The following DEAF1 variants were observed in gnomAD, a reference collection of about 807,000 sequenced individuals.
DEAF1 encodes the protein deformed epidermal autoregulatory factor 1 homolog.
In DEAF1, 53 loss-of-function variants were observed where a neutral mutation model predicts 58.9. The ratio of observed to expected loss-of-function variants is 0.90; its 90% CI spans 0.72 to 1.13. The LOEUF (loss-of-function observed/expected upper bound fraction) is 1.13. Ranked by LOEUF, DEAF1 falls within the 50% of genes most tolerant of loss-of-function variation. The pLI, the probability that DEAF1 is intolerant of heterozygous loss-of-function variation, is 0.00. For missense variants in DEAF1, 685 were observed against 791.4 expected (o/e 0.87, Z 1.61); for synonymous variants, 385 against 340.4 (o/e 1.13, Z -1.44).
intron 1 of DEAF1, chr11:706,101 G>C (rs1363926467): frequency 1.3e-5 from 2 of 152,168 alleles, no homozygotes; most frequent in Non-Finnish European, 2.9e-5. Context: ...TCCCCCGCGC[G>C]CCCGCCCGCT....
At chr11:680,832 G>A (rs1167314116) in intron 7 of DEAF1, 131 bp downstream of exon 7, 14 of 1,350,682 alleles carry the variant, frequency 1.0e-5, no homozygotes, top group Admixed American at 1.8e-5. Flanking sequence ...GTGTGATGGC[G>A]TTGGAATCCC....
chr11:654,166 T>A, intron 10 of DEAF1, 115 bp from the exon 11 acceptor site: 3 of 136,914 alleles, frequency 2.2e-5, no homozygotes, highest in East Asian at 1.8e-4. Flanking sequence ...TTGGACCCCC[T>A]TTTTTTTTTT....
upstream of DEAF1, chr11:699,086 C>G (rs1861329754): frequency 1.5e-6 from 1 of 659,690 alleles, no homozygotes; most frequent in African/African-American, 1.8e-5. Context: ...CCCCTACCTG[C>G]TCAGCCCTGC....
chr11:696,416 G>A (rs966900052), upstream of DEAF1, among the ~76,000 whole-genome samples: 3 of 152,214 alleles, frequency 2.0e-5, no homozygotes, highest in Non-Finnish European at 4.4e-5. Context: ...AAGGAATAAA[G>A]AATGGCTACT....
intron 10 of DEAF1, among the ~76,000 whole-genome samples, chr11:670,135 G>C (rs567083258): frequency 6.6e-6 from 1 of 151,894 alleles, no homozygotes; most frequent in South Asian, 2.1e-4. Context: ...ACCGATGGAA[G>C]GGGACATGAG....
chr11:671,120 G>T (rs1402563878), intron 10 of DEAF1, among the ~76,000 whole-genome samples: 1 of 151,384 alleles, frequency 6.6e-6, no homozygotes, highest in Non-Finnish European at 1.5e-5. Context: ...AGTAGAGATG[G>T]GGTTTCACCA....
At chr11:680,624 G>A (rs769817152) in intron 7 of DEAF1, among the ~76,000 whole-genome samples, 74 of 152,054 alleles carry the variant, frequency 4.9e-4, no homozygotes, top group Non-Finnish European at 9.4e-4. Context: ...CGCAGCCCTC[G>A]TCCAGCGCAC....
chr11:650,117 G>A (rs1858697701), intron 11 of DEAF1, among the ~76,000 whole-genome samples: 1 of 151,674 alleles, frequency 6.6e-6, no homozygotes, highest in Non-Finnish European at 1.5e-5. Context: ...GTTCACACCT[G>A]TAATCCCACC....
Position 691,581 on chromosome 11 carries a change from C to T in DEAF1, c.307G>A (p.Val103Met). Reference protein sequence around the residue: ...AAFAEVTTVTVANVGAAADNV... With the variant: ...AAFAEVTTVTMANVGAAADNV... ...TCTGCAGCAGCCCCCACGTTGGCCA[C>T]TGTCACTGTGGTCACCTCTGCAACA... The change falls in exon 2 of 12, where the codon GTG (valine) becomes ATG (methionine). Residue 103 changes from valine to methionine, a missense_variant. By Grantham distance (21) the Val-to-Met change is conservative. Around this residue, in one of 3 missense-constraint regions of DEAF1, gnomAD observed 210 missense variants for 177.3 expected, o/e 1.18. Coordinates refer to ENST00000382409, the MANE Select transcript of DEAF1 (RefSeq NM_021008.4). The T allele has an allele frequency of 1.2e-6, 2 of 1,613,718 alleles. No homozygotes were observed. The highest frequency in any genetic ancestry group is 1.7e-6 in the Non-Finnish European group (2 of 1,179,982).
rs7483337 is a variant in DEAF1, at chr11:680,866, A to G, written c.997+97T>C. ...CCTCTGGCCACGCAATGTGCTTTAG[A>G]AGTGAGAATCCCGCAGTGGCCGTGG... On this transcript the variant is annotated intron_variant, in intron 7 of 11. Coordinates refer to ENST00000382409, the MANE Select transcript of DEAF1 (RefSeq NM_021008.4). 0.3 allele frequency: 471,436 copies of G among 1,548,680 alleles called. 75,305 individuals are homozygous for G. The highest frequency in any genetic ancestry group is 0.33 in the Admixed American group (19,387 of 59,022).
chr11:701,634 C>G (rs1321152942), intron 1 of DEAF1, among the ~76,000 whole-genome samples: 2 of 151,980 alleles, frequency 1.3e-5, no homozygotes, highest in Non-Finnish European at 2.9e-5. Flanking sequence ...TGGTTTCCAT[C>G]TCCTGACCTC....
At position 654,019 on chromosome 11, in the gene DEAF1, C is replaced by G. The variant is rs1391894786; in HGVS notation, c.1536G>C (p.Met512Ile). 4 of 1,613,730 alleles carry G rather than the reference C, an allele frequency of 2.5e-6. No individual in the cohort carries two copies. Among genetic ancestry groups the G allele is most frequent in the Non-Finnish European group, 3.4e-6 (4 of 1,179,980 alleles). ...QSCVNCGREA[M>I]SECTGCHKVN... ...CCTTGTGGCAGCCGGTGCACTCGCT[C>G]ATAGCCTCCCGGCCGCAGTTAACGC... is the stretch of plus-strand genomic sequence containing the variant. Residue 512 changes from methionine to isoleucine, a missense_variant, in exon 11 of 12, where the codon ATG becomes ATC. Around this residue, in one of 3 missense-constraint regions of DEAF1, gnomAD observed 343 missense variants for 379.8 expected, o/e 0.90. Coordinates refer to ENST00000382409, the MANE Select transcript of DEAF1 (RefSeq NM_021008.4).
rs1403325942 is a variant in DEAF1 at position 694,914 on chromosome 11, T to C, written c.134A>G (p.Asp45Gly). 4 of 1,430,168 alleles carry C rather than the reference T, an allele frequency of 2.8e-6. No individual in the cohort carries two copies. The South Asian group carries it at 5.5e-5, about 20-fold the overall frequency. 88.6% of individuals were successfully genotyped at this position (1,430,168 alleles called of 1,614,324 possible). The change falls in exon 1 of 12, where the codon GAC (aspartate) becomes GGC (glycine). Residue 45 changes from aspartate (D) to glycine (G), a missense_variant. By Grantham distance (94) the Asp-to-Gly change is moderately conservative. Coordinates refer to ENST00000382409, the MANE Select transcript of DEAF1 (RefSeq NM_021008.4). Reference sequence around the variant, plus strand: ...GTCTGCGTCCTCCTCCGAGTCCTCGTCCCTGCTCAGCACCGGCTCCTCCGC... The same window carrying C: ...GTCTGCGTCCTCCTCCGAGTCCTCGCCCCTGCTCAGCACCGGCTCCTCCGC... ...GEAEEPVLSR[D>G]EDSEEDADSE...
At chr11:669,639 A>G (rs2133347361) in intron 10 of DEAF1, among the ~76,000 whole-genome samples, 1 of 150,228 alleles carries the variant, frequency 6.7e-6, no homozygotes, top group African/African-American at 2.5e-5. Context: ...TTGTCTCAAA[A>G]AAAAAAGAGG....
At chr11:693,881 G>A (rs376720664) in intron 1 of DEAF1, among the ~76,000 whole-genome samples, 4 of 152,250 alleles carry the variant, frequency 2.6e-5, no homozygotes, top group Non-Finnish European at 4.4e-5. Context: ...GACAGGAAGC[G>A]GGGCAGGAGG....
In DEAF1 at chr11:680,030, C is replaced by T. The variant is rs979607008; in HGVS notation, c.998-214G>A. 1.9e-5 allele frequency: 10 copies of T among 525,344 alleles called. No homozygotes were observed. In the Admixed American group the frequency reaches 2.2e-4, roughly 12 times the overall value. 32.5% of individuals were successfully genotyped at this position (525,344 alleles called of 1,614,324 possible). On this transcript the variant is annotated intron_variant, in intron 7 of 11. Transcript: ENST00000382409. ...CAGGATGGCCAGGATGGCAACTTGCCACTACCAATTGTTCGCTGTTTAAAC... is the reference window on the plus strand; with the variant it reads ...CAGGATGGCCAGGATGGCAACTTGCTACTACCAATTGTTCGCTGTTTAAAC...
intron 10 of DEAF1, among the ~76,000 whole-genome samples, chr11:655,580 G>A (rs1374982107): frequency 1.3e-5 from 2 of 152,152 alleles, no homozygotes; most frequent in Non-Finnish European, 2.9e-5. Context: ...GAGTGGCAGC[G>A]TCTGTGAGCA....
At chr11:683,380 T>C (rs1487859854) in intron 6 of DEAF1, among the ~76,000 whole-genome samples, 1 of 152,202 alleles carries the variant, frequency 6.6e-6, no homozygotes, top group Non-Finnish European at 1.5e-5. Context: ...TCATCCTTTG[T>C]CTCTGCTGAT....
At chr11:670,771 GTT>G (rs199899292) in intron 10 of DEAF1, among the ~76,000 whole-genome samples, 7 of 45,290 alleles carry the variant, frequency 1.5e-4, no homozygotes, top group Non-Finnish European at 3.2e-4. Flanking sequence ...TTTTCTTTTT[GTT>G]TTTGTTTTTT....
Sources: allele counts gnomAD v4.1 joint callset (sites outside exome capture counted in the v4.1 genomes callset), GRCh38; gene constraint gnomAD v4.1.1; regional missense constraint gnomAD v4.1.1; transcripts MANE v1.5; gene names NCBI Gene and HGNC (gene_info 2026-07-23, HGNC 2026-07-21).